Variants in IREB2 observed in about 807,000 individuals in gnomAD.
IREB2 encodes iron-responsive element-binding protein 2.
Under a neutral mutation model 118.8 loss-of-function variants are expected in IREB2, and 39 were observed. The ratio of observed to expected loss-of-function variants is 0.33; its 90% CI spans 0.25 to 0.43. IREB2 has a LOEUF of 0.43. Ranked by LOEUF, IREB2 falls within the 20% of genes least tolerant of loss-of-function variation. The pLI is 1.00. For synonymous variants in IREB2, 372 were observed against 392.2 expected, an observed-to-expected ratio of 0.95 and a Z score of 0.61; for missense variants, 900 against 1,147.3, an observed-to-expected ratio of 0.78 and a Z score of 3.11.
chr15:78,466,582 T>G, intron 5 of IREB2, 93 bp downstream of exon 5: 2 of 814,596 alleles, frequency 2.5e-6, no homozygotes, highest in East Asian at 5.2e-5. Flanking sequence ...ATTACTATTA[T>G]GTTACCTTCA....
intron 10 of IREB2, among the ~76,000 whole-genome samples, chr15:78,480,528 C>CA (rs1217470087): frequency 6.6e-6 from 1 of 151,292 alleles, no homozygotes; most frequent in Non-Finnish European, 1.5e-5. Context: ...ACTAAAAATA[C>CA]AAAAAAATAA....
chr15:78,438,623 T>G, intron 1 of IREB2: 1 of 476,418 alleles, frequency 2.1e-6, no homozygotes, highest in Non-Finnish European at 3.8e-6. Context: ...CTCTCTCCGG[T>G]GGCCGCTGCC....
intron 5 of IREB2, among the ~76,000 whole-genome samples, chr15:78,468,753 T>C (rs1173661801): frequency 3.3e-5 from 5 of 152,192 alleles, no homozygotes; most frequent in African/African-American, 9.6e-5. Flanking sequence ...CCACAGGTTA[T>C]AGTGACCTCG....
chr15:78,452,338 A>C (rs911978105), intron 2 of IREB2, among the ~76,000 whole-genome samples: 1 of 152,204 alleles, frequency 6.6e-6, no homozygotes, highest in Non-Finnish European at 1.5e-5. Context: ...AGTTGGGAAC[A>C]TACCAGTATT....
rs3417 is a variant in IREB2 at position 78,501,318 on chromosome 15, C to G, written c.*3175C>G. 5 of 152,460 alleles carry G rather than the reference C, an allele frequency of 3.3e-5. No individual in the cohort carries two copies. Among genetic ancestry groups the G allele is most frequent in the Non-Finnish European group, 5.9e-5 (4 of 68,024 alleles). 9.4% of individuals were successfully genotyped at this position (152,460 alleles called of 1,614,324 possible). On this transcript the variant is annotated 3_prime_UTR_variant, in exon 22 of 22. Transcript: ENST00000258886. The stretch of plus-strand genomic sequence containing the variant: ...TGTCTATTATTTAAAGCCAACAAAA[C>G]AGTGTAACAGTTTTAAGTTCAATAA...
intron 2 of IREB2, among the ~76,000 whole-genome samples, chr15:78,448,848 C>T (rs570894344): frequency 6.6e-6 from 1 of 152,310 alleles, no homozygotes; most frequent in East Asian, 1.9e-4. Flanking sequence ...GAGTCTTTCC[C>T]CCTTCCTTCA....
intron 2 of IREB2, among the ~76,000 whole-genome samples, chr15:78,441,713 A>G (rs181213712): frequency 5.3e-5 from 8 of 152,292 alleles, no homozygotes; most frequent in African/African-American, 1.9e-4. Context: ...TTTCCCTGGG[A>G]AATAAGTTGT....
intron 2 of IREB2, among the ~76,000 whole-genome samples, chr15:78,457,338 C>G (rs769423882): frequency 4.6e-5 from 7 of 152,184 alleles, no homozygotes; most frequent in East Asian, 3.9e-4. Flanking sequence ...AGTCTGCTCT[C>G]TCTTTGTTTT....
chr15:78,498,243 A>G lies in IREB2; in HGVS notation c.*100A>G, dbSNP rs2051873817. ...ATGGAGCAGCAGATAGTCCCAGTAT[A>G]CTCACTTATCTCATCCATGGATGTA... On this transcript the variant is annotated 3_prime_UTR_variant, in exon 22 of 22. Transcript: ENST00000258886. The G allele has an allele frequency of 6.1e-6, 4 of 653,170 alleles. No homozygotes were observed. The highest frequency in any genetic ancestry group is 1.1e-5 in the Non-Finnish European group (4 of 360,040). The allele number at this position is 653,170 out of a possible 1,614,324, so 40.5% of individuals were successfully genotyped here.
In IREB2 at chr15:78,465,460, G is replaced by A. The variant is rs2051266348; in HGVS notation, c.410+72G>A. 4.5e-6 allele frequency: 6 copies of A among 1,332,520 alleles called. No homozygotes were observed. The East Asian group carries it at 9.6e-5, about 21-fold the overall frequency. 82.5% of individuals were successfully genotyped at this position (1,332,520 alleles called of 1,614,324 possible). ...TGGAAATGTGTCATGTAGAGGAAAAGGAATAGAGATAATTTATGGCAGAGA... is the reference window on the plus strand; with the variant it reads ...TGGAAATGTGTCATGTAGAGGAAAAAGAATAGAGATAATTTATGGCAGAGA... On this transcript the variant is annotated intron_variant, in intron 4 of 21. Transcript: ENST00000258886.
intron 8 of IREB2, chr15:78,474,397 C>T (rs1043581758): frequency 1.1e-4 from 16 of 152,130 alleles, no homozygotes; most frequent in African/African-American, 2.9e-4. Flanking sequence ...ATTGATTCAA[C>T]GTATGATACC....
Position 78,484,879 on chromosome 15 carries a change from G to C in IREB2, c.1532G>C (p.Ser511Thr). The C allele has an allele frequency of 6.2e-7, 1 of 1,613,972 alleles. No individual in the cohort carries two copies. Among genetic ancestry groups the C allele is most frequent in the Non-Finnish European group, 8.5e-7 (1 of 1,179,934 alleles). The part of the protein sequence containing the change: ...HGSVVIAAVI[S>T]CTNNCNPSVM... ...TCAGTGGTCATTGCTGCAGTTATCA[G>C]TTGTACCAATAATTGCAATCCATCT... Residue 511 changes from serine (S) to threonine (T), a missense_variant, in exon 12 of 22, where the codon AGT (serine) becomes ACT (threonine). Transcript: ENST00000258886.
intron 2 of IREB2, among the ~76,000 whole-genome samples, chr15:78,447,213 G>A (rs1054260950): frequency 1.6e-5 from 2 of 122,360 alleles, no homozygotes; most frequent in Non-Finnish European, 3.4e-5. Flanking sequence ...ATCTCTCTTT[G>A]TTACTCAAGC....
intron 16 of IREB2, among the ~76,000 whole-genome samples, chr15:78,488,977 T>C (rs1373227109): frequency 2.0e-5 from 3 of 152,168 alleles, no homozygotes; most frequent in African/African-American, 4.8e-5. Flanking sequence ...CCCGACACTT[T>C]GGGAGGCTGA....
intron 2 of IREB2, among the ~76,000 whole-genome samples, chr15:78,451,235 G>A (rs1045991110): frequency 2.0e-5 from 3 of 151,862 alleles, no homozygotes; most frequent in African/African-American, 7.3e-5. Flanking sequence ...CAAAGTGCTG[G>A]GATTACAGGT....
chr15:78,481,681 A>G (rs931739387), intron 10 of IREB2: 1 of 151,924 alleles, frequency 6.6e-6, no homozygotes, highest in African/African-American at 2.4e-5. Flanking sequence ...TTGTATTTTT[A>G]GTAGAGATGG....
At chr15:78,449,147 T>A (rs2050980520) in intron 2 of IREB2, among the ~76,000 whole-genome samples, 1 of 152,204 alleles carries the variant, frequency 6.6e-6, no homozygotes. Context: ...ATCTTCTGAT[T>A]TCAAGACCAA....
intron 7 of IREB2, among the ~76,000 whole-genome samples, chr15:78,472,388 A>G (rs909602285): frequency 2.1e-5 from 3 of 144,642 alleles, no homozygotes; most frequent in African/African-American, 7.7e-5. Context: ...TTTTTTGGAG[A>G]CAGCATCTTG....
intron 2 of IREB2, among the ~76,000 whole-genome samples, chr15:78,444,349 G>A (rs972659778): frequency 5.3e-5 from 8 of 152,086 alleles, no homozygotes; most frequent in Non-Finnish European, 2.9e-5. Context: ...TATGTTGAAT[G>A]AAGGGGAAGA....
Sources: allele counts gnomAD v4.1 joint callset (sites outside exome capture counted in the v4.1 genomes callset), GRCh38; gene constraint gnomAD v4.1.1; transcripts MANE v1.5; gene names NCBI Gene and HGNC (gene_info 2026-07-23, HGNC 2026-07-21).